Variants in SHROOM3 observed in about 807,000 individuals in gnomAD.
SHROOM3 encodes the protein protein Shroom3.
In SHROOM3, 47 loss-of-function variants were observed where a neutral mutation model predicts 138.6. The observed-to-expected ratio is 0.34, with a 90% CI of 0.27 to 0.43. The LOEUF is 0.43. SHROOM3 is among the 20% of genes least tolerant of loss of function. The probability of loss-of-function intolerance (pLI) is 1.00; values close to 1 mark genes in which losing one functional copy is unlikely to be tolerated. For synonymous variants in SHROOM3, 1,062 were observed against 1,063.3 expected, an observed-to-expected ratio of 1.00 and a Z score of 0.02; for missense variants, 2,491 against 2,596.5, an observed-to-expected ratio of 0.96 and a Z score of 0.88.
chr4:76,774,958 CT>C (rs934421390), intron 10 of SHROOM3, among the ~76,000 whole-genome samples: 4 of 151,036 alleles, frequency 2.6e-5, no homozygotes, highest in East Asian at 1.9e-4. Context: ...TCCACAATCA[CT>C]TTTTTTTTAT....
intron 9 of SHROOM3, among the ~76,000 whole-genome samples, chr4:76,760,211 G>A (rs568501306): frequency 9.9e-5 from 15 of 152,278 alleles, no homozygotes; most frequent in African/African-American, 3.4e-4. Flanking sequence ...GGACTTCAGC[G>A]AATAGCTTGA....
intron 1 of SHROOM3, among the ~76,000 whole-genome samples, chr4:76,506,574 T>C (rs1373188957): frequency 1.3e-5 from 2 of 152,090 alleles, no homozygotes; most frequent in African/African-American, 2.4e-5. Context: ...AATAATGTTA[T>C]CTGTGTTTAG....
At position 76,756,851 on chromosome 4, in the gene SHROOM3, C is replaced by T. The variant is rs1397696956; in HGVS notation, c.5112C>T (p.Pro1704=). 15 of 1,613,934 alleles carry T rather than the reference C, an allele frequency of 9.3e-6. No homozygotes were observed. The highest frequency in any genetic ancestry group is 1.3e-5 in the African/African-American group (1 of 74,854). The change falls in exon 8 of 11, where the codon CCC becomes CCT. Residue 1704 remains proline, a synonymous_variant. Transcript: ENST00000296043. ...TGGACCTGATGGAAGGTTTGTTTCC[C>T]CGAGATGTGAACTTGCTGAAGGAAA... The part of the protein sequence containing the change: ...TTMDLMEGLF[P]RDVNLLKENS...
At chr4:76,493,294 A>AGTATAAGT (rs1360459156) in intron 1 of SHROOM3, among the ~76,000 whole-genome samples, 4 of 150,712 alleles carry the variant, frequency 2.7e-5, no homozygotes, top group African/African-American at 9.8e-5. Context: ...TTTTATTTTT[A>AGTATAAGT]GTATAAGTAT....
intron 1 of SHROOM3, among the ~76,000 whole-genome samples, chr4:76,448,359 A>C (rs1169305209): frequency 6.6e-6 from 1 of 152,124 alleles, no homozygotes; most frequent in Non-Finnish European, 1.5e-5. Flanking sequence ...TTCTTATACC[A>C]CTGCAACTGA....
At chr4:76,500,952 G>A (rs187297185) in intron 1 of SHROOM3, among the ~76,000 whole-genome samples, 10 of 152,022 alleles carry the variant, frequency 6.6e-5, no homozygotes, top group East Asian at 1.9e-4. Context: ...GACTACAAGC[G>A]CACACCACCA....
intron 2 of SHROOM3, among the ~76,000 whole-genome samples, chr4:76,580,446 CTTTTTTTTTT>C (rs869200924): frequency 1.1e-5 from 1 of 88,088 alleles, no homozygotes; most frequent in Non-Finnish European, 2.3e-5. Context: ...TGGGCAAGTT[CTTTTTTTTTT>C]TTTTTTTTTT....
At chr4:76,626,315 A>G (rs893328873) in intron 2 of SHROOM3, among the ~76,000 whole-genome samples, 4 of 152,120 alleles carry the variant, frequency 2.6e-5, no homozygotes, top group African/African-American at 9.7e-5. Context: ...CATTAATTCT[A>G]TTTGCCTGAA....
Position 76,739,120 on chromosome 4 carries a change from G to T in SHROOM3, c.947G>T (p.Gly316Val). 3 of 1,614,208 alleles carry T rather than the reference G, an allele frequency of 1.9e-6. No homozygotes were observed. Among genetic ancestry groups the T allele is most frequent in the South Asian group, 2.2e-5 (2 of 91,088 alleles). The change falls in exon 5 of 11, where the codon GGA becomes GTA. Residue 316 changes from glycine (G) to valine (V), a missense_variant. Coordinates refer to ENST00000296043, the MANE Select transcript of SHROOM3 (RefSeq NM_020859.4). ...YVKTVYDTRR[G>V]VSAEYEVNSS... Reference sequence around the variant, plus strand: ...AAGACAGTCTATGACACCCGGAGGGGAGTCTCAGCAGAGTATGAGGTGAAC... The same window carrying T: ...AAGACAGTCTATGACACCCGGAGGGTAGTCTCAGCAGAGTATGAGGTGAAC...
At chr4:76,632,692 G>T (rs578093342) in intron 2 of SHROOM3, among the ~76,000 whole-genome samples, 1 of 152,288 alleles carries the variant, frequency 6.6e-6, no homozygotes, top group East Asian at 1.9e-4. Context: ...TAATGAGGCA[G>T]GACTACAAGC....
At chr4:76,590,483 A>G (rs1056155746) in intron 2 of SHROOM3, among the ~76,000 whole-genome samples, 1 of 150,590 alleles carries the variant, frequency 6.6e-6, no homozygotes, top group African/African-American at 2.4e-5. Flanking sequence ...AGGAAGTCTC[A>G]TAGCAACAGC....
Position 76,583,484 on chromosome 4 carries a change from A to C in SHROOM3, c.323+27721A>C, listed in dbSNP as rs527569489. 2.0e-5 allele frequency among the ~76,000 whole-genome samples: 3 copies of C among 152,326 alleles called. 1 individual carries two copies. Among genetic ancestry groups the C allele is most frequent in the African/African-American group, 7.2e-5 (3 of 41,586 alleles). ...TTTCATAGCATCACCTTCAGTCCTC[A>C]CATCAGATAGGTACCCATTTCAGAG... On this transcript the variant is annotated intron_variant, in intron 2 of 10. Transcript: ENST00000296043.
At position 76,781,652 on chromosome 4, in the gene SHROOM3, T is replaced by C. The variant is rs918650151; in HGVS notation, c.*2475T>C. The stretch of plus-strand genomic sequence containing the variant: ...ATGTGATATTTATTGTAATAGGACT[T>C]GACCTCTGTACTTTAAAGAAATCAC... On this transcript the variant is annotated 3_prime_UTR_variant, in exon 11 of 11. Transcript: ENST00000296043. The C allele has an allele frequency of 6.6e-6, 1 of 152,268 alleles. No individual in the cohort carries two copies. Among genetic ancestry groups the C allele is most frequent in the Non-Finnish European group, 1.5e-5 (1 of 68,060 alleles). The allele number at this position is 152,268 out of a possible 1,614,324, so 9.4% of individuals were successfully genotyped here. A position where few individuals can be genotyped will look rare whatever the true frequency, so the allele number is the denominator to read the frequency against.
At position 76,741,575 on chromosome 4, in the gene SHROOM3, C is replaced by G. The variant is rs1306657592; in HGVS notation, c.3402C>G (p.Ala1134=). Residue 1134 remains alanine (A), a synonymous_variant, in exon 5 of 11, where the codon GCC becomes GCG. Coordinates refer to ENST00000296043, the MANE Select transcript of SHROOM3 (RefSeq NM_020859.4). The surrounding 1 kb of genome is among the most constrained non-coding windows in gnomAD (Gnocchi z 6.2). ...CGGCGCTCGAAGGCTCCGGCCTCGC[C>G]TCGGCCTCCAGCTTGAGCTCACTGC... ...GPAALEGSGL[A]SASSLSSLRE... is the part of the protein sequence containing the mutation. 21 of 1,542,996 alleles carry G rather than the reference C, an allele frequency of 1.4e-5. No homozygotes were observed. The highest frequency in any genetic ancestry group is 1.7e-5 in the Non-Finnish European group (19 of 1,150,542).
rs201279400 is a variant in SHROOM3 at position 76,770,772 on chromosome 4, C to T, written c.5496C>T (p.Asp1832=). ...ISELCKPNEF[D]KYRMFIGDLD... ...AGCTCTGCAAGCCCAATGAGTTTGA[C>T]AAGTATAGGATGTTCATAGGGGATT... The change falls in exon 10 of 11, where the codon GAC becomes GAT. Residue 1832 remains aspartate (D), a synonymous_variant. Coordinates refer to ENST00000296043, the MANE Select transcript of SHROOM3 (RefSeq NM_020859.4). 1 of 1,614,170 alleles carries T rather than the reference C, an allele frequency of 6.2e-7. No individual in the cohort carries two copies. Among genetic ancestry groups the T allele is most frequent in the East Asian group, 2.2e-5 (1 of 44,868 alleles).
intron 2 of SHROOM3, among the ~76,000 whole-genome samples, chr4:76,680,124 T>C (rs1348153079): frequency 6.7e-6 from 1 of 150,296 alleles, no homozygotes; most frequent in East Asian, 2.0e-4. Context: ...GTTGTTTGGA[T>C]TGCAGCTTGA....
At chr4:76,458,737 C>A (rs1731083337) in intron 1 of SHROOM3, among the ~76,000 whole-genome samples, 1 of 152,140 alleles carries the variant, frequency 6.6e-6, no homozygotes, top group African/African-American at 2.4e-5. Flanking sequence ...AGTTCTGTGA[C>A]CCTCTTTGTA....
intron 1 of SHROOM3, among the ~76,000 whole-genome samples, chr4:76,518,845 CA>C (rs1333781296): frequency 3.9e-5 from 6 of 152,022 alleles, no homozygotes; most frequent in Non-Finnish European, 7.4e-5. Flanking sequence ...CTCAATGAAG[CA>C]AAAAGAAGAT....
chr4:76,442,667 C>A (rs1471015140), intron 1 of SHROOM3, among the ~76,000 whole-genome samples: 1 of 152,056 alleles, frequency 6.6e-6, no homozygotes, highest in Non-Finnish European at 1.5e-5. Flanking sequence ...CCTCGGCCTC[C>A]CAAAGTGCTG....
Sources: allele counts gnomAD v4.1 joint callset (sites outside exome capture counted in the v4.1 genomes callset), GRCh38; gene constraint gnomAD v4.1.1; non-coding constraint Gnocchi (gnomAD v3.1); transcripts MANE v1.5; gene names NCBI Gene and HGNC (gene_info 2026-07-23, HGNC 2026-07-21).